Variants in RAP1GDS1 observed in about 807,000 individuals in gnomAD.
RAP1GDS1 encodes Rap1 GTPase-GDP dissociation stimulator 1.
RAP1GDS1 carries 35 observed loss-of-function variants against 71.1 expected under a neutral mutation model. The observed-to-expected ratio is 0.49, with a 90% CI of 0.38 to 0.65. The LOEUF (loss-of-function observed/expected upper bound fraction) is 0.65, where lower values mean the gene tolerates loss of function less well. Ranked by LOEUF, RAP1GDS1 falls within the 30% of genes least tolerant of loss-of-function variation. The pLI, the probability that RAP1GDS1 is intolerant of heterozygous loss-of-function variation, is 0.00. For synonymous variants in RAP1GDS1, 229 were observed against 243.1 expected, an observed-to-expected ratio of 0.94 and a Z score of 0.54; for missense variants, 663 against 706.1, an observed-to-expected ratio of 0.94 and a Z score of 0.69.
chr4:98,400,169 A>AG (rs1745168360), intron 6 of RAP1GDS1, among the ~76,000 whole-genome samples: 2 of 151,930 alleles, frequency 1.3e-5, no homozygotes, highest in Admixed American at 1.3e-4. Flanking sequence ...TTTAAAAAAA[A>AG]ACACAAATAG....
intron 2 of RAP1GDS1, among the ~76,000 whole-genome samples, chr4:98,338,576 G>C (rs1578498368): frequency 6.6e-6 from 1 of 152,210 alleles, no homozygotes; most frequent in Non-Finnish European, 1.5e-5. Flanking sequence ...CCAAGTCTGA[G>C]CCTTCAGTGA....
intron 4 of RAP1GDS1, among the ~76,000 whole-genome samples, chr4:98,363,478 C>CAAAAGAAAGAAAA (rs1739047165): frequency 2.7e-5 from 1 of 37,734 alleles, no homozygotes; most frequent in African/African-American, 9.9e-5. Flanking sequence ...GACCCTGTCT[C>CAAAAGAAAGAAAA]AAAAAAAAAA....
chr4:98,373,992 G>A (rs1480482254), intron 4 of RAP1GDS1, among the ~76,000 whole-genome samples: 1 of 152,100 alleles, frequency 6.6e-6, no homozygotes, highest in East Asian at 1.9e-4. Context: ...AAAATTTTAT[G>A]TTACTCAGAA....
At chr4:98,437,190 TATAAG>T (rs201079467) in intron 14 of RAP1GDS1, 122 bp downstream of exon 14, 17,941 of 1,066,092 alleles carry the variant, frequency 0.017, 204 homozygotes, top group South Asian at 0.025. Context: ...TTATGGAGGT[TATAAG>T]ATAACTTTTT....
intron 12 of RAP1GDS1, among the ~76,000 whole-genome samples, chr4:98,424,270 A>G (rs1210036212): frequency 6.6e-6 from 1 of 151,948 alleles, no homozygotes; most frequent in Non-Finnish European, 1.5e-5. Context: ...TTTTTGCTCT[A>G]CTCCAAGAGA....
intron 4 of RAP1GDS1, among the ~76,000 whole-genome samples, chr4:98,368,391 G>GA (rs1377682583): frequency 6.6e-6 from 1 of 152,116 alleles, no homozygotes; most frequent in Non-Finnish European, 1.5e-5. Context: ...TTGGTTAACT[G>GA]AGATCCATAT....
intron 1 of RAP1GDS1, among the ~76,000 whole-genome samples, chr4:98,270,353 C>G (rs1376912231): frequency 1.3e-5 from 2 of 152,132 alleles, no homozygotes; most frequent in African/African-American, 4.8e-5. Context: ...GAAATATACT[C>G]CATATCATTG....
chr4:98,281,056 T>C (rs1725009517), intron 1 of RAP1GDS1, among the ~76,000 whole-genome samples: 1 of 149,986 alleles, frequency 6.7e-6, no homozygotes, highest in Non-Finnish European at 1.5e-5. Flanking sequence ...TGCCTCCAGC[T>C]TTGTTCTTTT....
At chr4:98,398,045 T>G (rs924370146) in intron 6 of RAP1GDS1, among the ~76,000 whole-genome samples, 7 of 152,130 alleles carry the variant, frequency 4.6e-5, no homozygotes, top group African/African-American at 1.4e-4. Context: ...TTATTATTAT[T>G]TTTAGTTCCT....
intron 2 of RAP1GDS1, among the ~76,000 whole-genome samples, chr4:98,296,725 G>C (rs1727809913): frequency 6.6e-6 from 1 of 152,004 alleles, no homozygotes; most frequent in South Asian, 2.1e-4. Flanking sequence ...TCTATTTTAT[G>C]GTTATTTGGA....
At chr4:98,299,004 C>T (rs1338701740) in intron 2 of RAP1GDS1, among the ~76,000 whole-genome samples, 1 of 152,108 alleles carries the variant, frequency 6.6e-6, no homozygotes, top group Non-Finnish European at 1.5e-5. Context: ...GTTTGCTGCA[C>T]CCATTAACTT....
At chr4:98,379,249 AATG>A (rs1157048387) in intron 5 of RAP1GDS1, 86 bp downstream of exon 5, 15 of 1,215,746 alleles carry the variant, frequency 1.2e-5, no homozygotes, top group Admixed American at 6.0e-5. Context: ...ATATTTGAAA[AATG>A]ATGAACAAAG....
chr4:98,283,817 A>ATTTTTTTTTTTTTTTTTTTTTTT (rs10582639), intron 1 of RAP1GDS1, among the ~76,000 whole-genome samples: 4 of 133,964 alleles, frequency 3.0e-5, no homozygotes, highest in Non-Finnish European at 6.4e-5. Flanking sequence ...TTTCATTGTG[A>ATTTTTTTTTTTTTTTTTTTTTTT]TTTTTTTTTT....
At chr4:98,410,976 G>C (rs1490536184) in intron 7 of RAP1GDS1, among the ~76,000 whole-genome samples, 1 of 152,142 alleles carries the variant, frequency 6.6e-6, no homozygotes, top group Non-Finnish European at 1.5e-5. Flanking sequence ...CTAGGTGATA[G>C]ATACATGGTT....
At chr4:98,384,661 C>T (rs1480579118) in intron 5 of RAP1GDS1, among the ~76,000 whole-genome samples, 1 of 151,576 alleles carries the variant, frequency 6.6e-6, no homozygotes, top group East Asian at 1.9e-4. Context: ...AGAGGTGTAT[C>T]AGATACACAT....
intron 4 of RAP1GDS1, among the ~76,000 whole-genome samples, chr4:98,361,368 T>C (rs1738725818): frequency 6.6e-6 from 1 of 152,086 alleles, no homozygotes; most frequent in East Asian, 1.9e-4. Context: ...CATTATTATC[T>C]AAATGCTATG....
chr4:98,314,844 G>A (rs1345147144), intron 2 of RAP1GDS1, among the ~76,000 whole-genome samples: 1 of 152,134 alleles, frequency 6.6e-6, no homozygotes, highest in Admixed American at 6.5e-5. Context: ...TTTTATCCGG[G>A]TCCTGATGGG....
At chr4:98,306,446 A>T (rs1319423946) in intron 2 of RAP1GDS1, among the ~76,000 whole-genome samples, 1 of 152,198 alleles carries the variant, frequency 6.6e-6, no homozygotes, top group Non-Finnish European at 1.5e-5. Flanking sequence ...GCATTAATCC[A>T]TTATAAAGTC....
At chr4:98,380,403 C>T (rs1423975043) in intron 5 of RAP1GDS1, among the ~76,000 whole-genome samples, 1 of 151,814 alleles carries the variant, frequency 6.6e-6, no homozygotes, top group African/African-American at 2.4e-5. Flanking sequence ...CTTCAGGCCT[C>T]ATCCTGTCCA....
Sources: allele counts gnomAD v4.1 joint callset (sites outside exome capture counted in the v4.1 genomes callset), GRCh38; gene constraint gnomAD v4.1.1; transcripts MANE v1.5; gene names NCBI Gene and HGNC (gene_info 2026-07-23, HGNC 2026-07-21).